NRXN1: variants seen among roughly 807,000 people sequenced by gnomAD.
The protein encoded by NRXN1 is neurexin 1.
A neutral mutation model predicts 150.9 loss-of-function variants in NRXN1; 39 were observed. That is an observed-to-expected ratio of 0.26 (90% confidence interval 0.20 to 0.34). The LOEUF (loss-of-function observed/expected upper bound fraction) is 0.34. Ranked by LOEUF, NRXN1 falls within the 10% of genes least tolerant of loss-of-function variation. The pLI is 1.00. For missense variants in NRXN1, 1,815 were observed against 1,949.9 expected (o/e 0.93, Z 1.30); for synonymous variants, 924 against 757.0 (o/e 1.22, Z -3.62).
chr2:50,757,987 C>T (rs1701359798), intron 5 of NRXN1: 1 of 151,654 alleles, frequency 6.6e-6, no homozygotes, highest in African/African-American at 2.4e-5. Context: ...AGCTGAGTGA[C>T]ATTATTTTTA....
intron 5 of NRXN1, among the ~76,000 whole-genome samples, chr2:50,822,410 G>T (rs1238692038): frequency 6.6e-6 from 1 of 152,052 alleles, no homozygotes; most frequent in East Asian, 1.9e-4. Flanking sequence ...TTAAGTGATT[G>T]AACAACAAAT....
intron 2 of NRXN1, among the ~76,000 whole-genome samples, chr2:51,023,365 C>G (rs1309561461): frequency 6.6e-6 from 1 of 152,166 alleles, no homozygotes; most frequent in African/African-American, 2.4e-5. Context: ...TGACCCCACT[C>G]CTCTCAAGTA....
intron 18 of NRXN1, among the ~76,000 whole-genome samples, chr2:50,092,696 T>A (rs1275419824): frequency 6.6e-6 from 1 of 152,204 alleles, no homozygotes; most frequent in African/African-American, 2.4e-5. Context: ...ACGGAAAATC[T>A]TTTTCAAAAT....
intron 17 of NRXN1, among the ~76,000 whole-genome samples, chr2:50,265,715 T>C (rs868745162): frequency 7.9e-5 from 12 of 152,138 alleles, no homozygotes; most frequent in Middle Eastern, 3.2e-3. Flanking sequence ...AGGTGATATT[T>C]GGACACAAGA....
At chr2:50,036,221 C>T (rs1262720246) in intron 21 of NRXN1, among the ~76,000 whole-genome samples, 9 of 152,044 alleles carry the variant, frequency 5.9e-5, no homozygotes, top group African/African-American at 1.9e-4. Flanking sequence ...CATGATATTG[C>T]GTGAGTTCTC....
intron 19 of NRXN1, among the ~76,000 whole-genome samples, chr2:50,071,405 AG>A (rs1394800004): frequency 6.6e-6 from 1 of 152,184 alleles, no homozygotes; most frequent in East Asian, 1.9e-4. Context: ...GACTTTAAGG[AG>A]GTGATTAAGT....
chr2:50,825,260 C>T (rs988691615), intron 5 of NRXN1, among the ~76,000 whole-genome samples: 1 of 152,128 alleles, frequency 6.6e-6, no homozygotes, highest in Non-Finnish European at 1.5e-5. Flanking sequence ...ACATATAACT[C>T]TTAAAATCTT....
At chr2:50,939,081 G>A (rs776352323) in intron 2 of NRXN1, among the ~76,000 whole-genome samples, 2 of 151,400 alleles carry the variant, frequency 1.3e-5, no homozygotes, top group Admixed American at 6.6e-5. Flanking sequence ...AGTGGTGGTG[G>A]ACACCTGTAG....
At chr2:50,334,013 T>C (rs1170413228) in intron 17 of NRXN1, among the ~76,000 whole-genome samples, 1 of 151,846 alleles carries the variant, frequency 6.6e-6, no homozygotes, top group African/African-American at 2.4e-5. Flanking sequence ...AAGTGAAGGA[T>C]GGAGCCCTGC....
chr2:50,197,256 G>C (rs764526743), intron 18 of NRXN1, among the ~76,000 whole-genome samples: 4 of 152,066 alleles, frequency 2.6e-5, no homozygotes, highest in Non-Finnish European at 4.4e-5. Context: ...TGTCACCTGG[G>C]AAAGAGGTCA....
intron 17 of NRXN1, among the ~76,000 whole-genome samples, chr2:50,443,209 A>G (rs973711580): frequency 6.6e-6 from 1 of 152,200 alleles, no homozygotes; most frequent in African/African-American, 2.4e-5. Context: ...AATATTGACA[A>G]TTCAAGGGGG....
At chr2:50,429,364 C>T (rs939763285) in intron 17 of NRXN1, among the ~76,000 whole-genome samples, 1 of 152,116 alleles carries the variant, frequency 6.6e-6, no homozygotes, top group African/African-American at 2.4e-5. Flanking sequence ...TCAAGCAATT[C>T]TTGTGCCTCA....
chr2:49,982,808 GT>G (rs1680194843), intron 21 of NRXN1, among the ~76,000 whole-genome samples: 1 of 151,862 alleles, frequency 6.6e-6, no homozygotes, highest in Non-Finnish European at 1.5e-5. Flanking sequence ...TTCTTCCTTT[GT>G]ATTTTTTTCA....
At position 50,197,970 on chromosome 2, in the gene NRXN1, A is replaced by T. The variant is rs545132771; in HGVS notation, c.3546+38819T>A. On this transcript the variant is annotated intron_variant, in intron 18 of 22. Coordinates refer to ENST00000401669, the MANE Select transcript of NRXN1 (RefSeq NM_001330078.2). ...GAAATTCCAGTTGGTTGTAAAGTCA[A>T]ATCTCTTGTCTTTTCAGTTTAACCA... is the stretch of plus-strand genomic sequence containing the variant. Among the ~76,000 whole-genome samples, 6 of 152,228 alleles carry T rather than the reference A, an allele frequency of 3.9e-5. No individual in the cohort carries two copies. In the East Asian group the frequency reaches 9.6e-4, roughly 24 times the overall value.
chr2:50,389,810 T>A (rs2081568898), intron 17 of NRXN1, among the ~76,000 whole-genome samples: 1 of 152,170 alleles, frequency 6.6e-6, no homozygotes, highest in African/African-American at 2.4e-5. Flanking sequence ...TGGATATACA[T>A]ATCGTTAAAA....
At chr2:50,265,240 C>A (rs13426143) in intron 17 of NRXN1, among the ~76,000 whole-genome samples, 20,888 of 151,928 alleles carry the variant, frequency 0.14, 1,576 homozygotes, top group African/African-American at 0.2. Flanking sequence ...TGGGCAAGGA[C>A]AACAAACACC....
At chr2:50,425,564 T>G (rs927570106) in intron 17 of NRXN1, among the ~76,000 whole-genome samples, 4 of 152,218 alleles carry the variant, frequency 2.6e-5, no homozygotes, top group African/African-American at 9.6e-5. Context: ...AAGGCCAACA[T>G]GAGCCCATAA....
intron 5 of NRXN1, among the ~76,000 whole-genome samples, chr2:50,672,898 T>C (rs1053750183): frequency 3.9e-5 from 6 of 152,078 alleles, no homozygotes; most frequent in African/African-American, 1.4e-4. Context: ...CATTTATAAT[T>C]CAAACATATC....
intron 5 of NRXN1, among the ~76,000 whole-genome samples, chr2:50,730,590 GATGTA>G (rs985409902): frequency 4.6e-5 from 7 of 151,494 alleles, no homozygotes; most frequent in African/African-American, 1.7e-4. Context: ...AATTTATTGT[GATGTA>G]ATGTATTGGT....
Sources: allele counts gnomAD v4.1 joint callset (sites outside exome capture counted in the v4.1 genomes callset), GRCh38; gene constraint gnomAD v4.1.1; transcripts MANE v1.5; gene names NCBI Gene and HGNC (gene_info 2026-07-23, HGNC 2026-07-21).